The following MCTP2 variants were observed in gnomAD, a reference collection of about 807,000 sequenced individuals.
MCTP2 encodes the protein multiple C2 and transmembrane domain containing 2.
In MCTP2, 132 loss-of-function variants were observed where a neutral mutation model predicts 111.6. That is an observed-to-expected ratio of 1.18 (90% CI 1.03 to 1.37). The LOEUF is 1.37. Among genes scored for constraint, MCTP2 ranks in the 40% most tolerant of loss-of-function variants. MCTP2 has a pLI of 0.00. For synonymous variants in MCTP2, 395 were observed against 387.7 expected, an observed-to-expected ratio of 1.02 and a Z score of -0.22; for missense variants, 1,183 against 1,067.9, an observed-to-expected ratio of 1.11 and a Z score of -1.50.
chr15:94,417,037 ATGAAAGTGTGACTT>A (rs1484953530), intron 17 of MCTP2, among the ~76,000 whole-genome samples: 3 of 152,306 alleles, frequency 2.0e-5, no homozygotes, highest in African/African-American at 7.2e-5. Context: ...GGGGGCTGCT[ATGAAAGTGTGACTT>A]TAATTGATTT....
At chr15:94,358,681 T>G in intron 10 of MCTP2, 69 bp downstream of exon 10, 1 of 1,573,040 alleles carries the variant, frequency 6.4e-7, no homozygotes, top group Non-Finnish European at 8.6e-7. Context: ...GAGGTGATCT[T>G]TATCTGTTAG....
At chr15:94,339,506 C>A in intron 5 of MCTP2, 74 bp downstream of exon 5, 5 of 1,239,576 alleles carry the variant, frequency 4.0e-6, no homozygotes, top group Non-Finnish European at 5.5e-6. Flanking sequence ...TCCTCTTAGA[C>A]GTGAACTTGC....
At chr15:94,255,335 T>A (rs1375295691) in intron 1 of MCTP2, among the ~76,000 whole-genome samples, 1 of 152,144 alleles carries the variant, frequency 6.6e-6, no homozygotes, top group Non-Finnish European at 1.5e-5. Flanking sequence ...GAATGGAAGA[T>A]CTCTTTAGTT....
At chr15:94,232,236 C>T (rs1374546027) in intron 1 of MCTP2, among the ~76,000 whole-genome samples, 1 of 152,142 alleles carries the variant, frequency 6.6e-6, no homozygotes, top group South Asian at 2.1e-4. Context: ...CAATTAGTTC[C>T]CTCCTGCACT....
chr15:94,370,028 T>C, intron 11 of MCTP2, 59 bp from the exon 12 acceptor site: 2 of 1,145,184 alleles, frequency 1.7e-6, no homozygotes, highest in Non-Finnish European at 2.5e-6. Context: ...TAGGACTTTA[T>C]GACATTAAGT....
intron 2 of MCTP2, among the ~76,000 whole-genome samples, chr15:94,302,635 C>G (rs894315505): frequency 2.7e-4 from 41 of 152,178 alleles, no homozygotes; most frequent in African/African-American, 9.7e-4. Context: ...CTGGTTTCGA[C>G]TTGTTTTGAC....
At chr15:94,476,500 G>A (rs2074362140) in intron 21 of MCTP2, 196 bp from the exon 22 acceptor site, 1 of 438,178 alleles carries the variant, frequency 2.3e-6, no homozygotes, top group Non-Finnish European at 4.1e-6. Context: ...TTGACTTGAG[G>A]TCTGGTAATT....
chr15:94,464,486 T>C (rs959075777), intron 20 of MCTP2, among the ~76,000 whole-genome samples: 2 of 145,304 alleles, frequency 1.4e-5, no homozygotes, highest in African/African-American at 5.1e-5. Flanking sequence ...ATTTATCAAT[T>C]ATATTAGTCT....
chr15:94,471,228 A>G (rs1042608852), intron 21 of MCTP2, among the ~76,000 whole-genome samples: 8 of 152,172 alleles, frequency 5.3e-5, no homozygotes, highest in Non-Finnish European at 7.3e-5. Flanking sequence ...GGGTCTGCCA[A>G]TCCTGGTTTT....
intron 2 of MCTP2, among the ~76,000 whole-genome samples, chr15:94,312,273 C>G (rs2076178646): frequency 6.6e-6 from 1 of 152,120 alleles, no homozygotes; most frequent in South Asian, 2.1e-4. Flanking sequence ...ACAAATAAAT[C>G]TATTGATATT....
At chr15:94,331,774 A>G (rs539379527) in intron 4 of MCTP2, among the ~76,000 whole-genome samples, 55 of 152,324 alleles carry the variant, frequency 3.6e-4, no homozygotes, top group Admixed American at 5.9e-4. Context: ...CGAGGAGCCA[A>G]TGAAATGTTA....
rs531143266 is a variant in MCTP2 at position 94,480,841 on chromosome 15, G to A, written c.*1807G>A. 6 of 152,136 alleles carry A rather than the reference G, an allele frequency of 3.9e-5. No homozygotes were observed. The highest frequency in any genetic ancestry group is 7.2e-5 in the African/African-American group (3 of 41,416). 9.4% of individuals were successfully genotyped at this position (152,136 alleles called of 1,614,324 possible). A position where few individuals can be genotyped will look rare whatever the true frequency, so the allele number is the denominator to read the frequency against. On this transcript the variant is annotated 3_prime_UTR_variant, in exon 23 of 23. Transcript: ENST00000357742. ...AATTTCAAAATGAAATTATTTGCCC[G>A]ACAAGAAGGCATCATTAGTTAGACT...
At chr15:94,346,526 A>T (rs1334096725) in intron 8 of MCTP2, among the ~76,000 whole-genome samples, 2 of 152,180 alleles carry the variant, frequency 1.3e-5, no homozygotes, top group African/African-American at 2.4e-5. Context: ...GTAACCACCC[A>T]AAGCAGTAAA....
At chr15:94,351,413 A>G (rs1309388947) in intron 8 of MCTP2, among the ~76,000 whole-genome samples, 5 of 152,214 alleles carry the variant, frequency 3.3e-5, no homozygotes, top group African/African-American at 7.2e-5. Context: ...GAAACATTTT[A>G]TAGGCTCAAT....
At chr15:94,398,890 G>A in intron 14 of MCTP2, 71 bp from the exon 15 acceptor site, 1 of 903,092 alleles carries the variant, frequency 1.1e-6, no homozygotes, top group Non-Finnish European at 1.8e-6. Context: ...GCCAAAGTTA[G>A]TTTTGGTTAT....
intron 17 of MCTP2, among the ~76,000 whole-genome samples, chr15:94,427,705 A>G (rs1314002758): frequency 6.6e-6 from 1 of 152,144 alleles, no homozygotes; most frequent in Non-Finnish European, 1.5e-5. Flanking sequence ...AACAAATAGG[A>G]ATGAAACCAA....
chr15:94,295,799 C>A (rs1418639253), intron 1 of MCTP2, among the ~76,000 whole-genome samples: 11 of 151,754 alleles, frequency 7.2e-5, no homozygotes, highest in African/African-American at 2.7e-4. Context: ...TCTGTAGTCC[C>A]AGCTATTTGG....
chr15:94,411,513 G>A (rs1456079487), intron 17 of MCTP2, among the ~76,000 whole-genome samples: 1 of 152,184 alleles, frequency 6.6e-6, no homozygotes, highest in Non-Finnish European at 1.5e-5. Flanking sequence ...AGTTACTAGA[G>A]AGCCCAGTAA....
intron 11 of MCTP2, among the ~76,000 whole-genome samples, 187 bp from the exon 12 acceptor site, chr15:94,369,900 T>C (rs2079395226): frequency 1.3e-5 from 2 of 152,186 alleles, no homozygotes; most frequent in South Asian, 4.1e-4. Context: ...CTCAGTCACT[T>C]TTCTTTTAAT....
Sources: allele counts gnomAD v4.1 joint callset (sites outside exome capture counted in the v4.1 genomes callset), GRCh38; gene constraint gnomAD v4.1.1; transcripts MANE v1.5; gene names NCBI Gene and HGNC (gene_info 2026-07-23, HGNC 2026-07-21).